EMILIN2: variants seen among roughly 807,000 people sequenced by gnomAD.
EMILIN2 encodes the protein elastin microfibril interfacer 2.
Under a neutral mutation model 87.1 loss-of-function variants are expected in EMILIN2, and 71 were observed. The ratio of observed to expected loss-of-function variants is 0.82; its 90% CI spans 0.67 to 0.99. EMILIN2 has a LOEUF of 0.99. Ranked by LOEUF, EMILIN2 falls within the 50% of genes least tolerant of loss-of-function variation. EMILIN2 has a pLI of 0.00. For missense variants in EMILIN2, 1,407 were observed against 1,371.8 expected, an observed-to-expected ratio of 1.03 and a Z score of -0.40; for synonymous variants, 581 against 563.4, an observed-to-expected ratio of 1.03 and a Z score of -0.44.
At position 2,847,959 on chromosome 18, in the gene EMILIN2, G is replaced by A; in HGVS notation, c.257+28G>A. The A allele has an allele frequency of 6.3e-7, 1 of 1,585,548 alleles. No homozygotes were observed. Among genetic ancestry groups the A allele is most frequent in the Non-Finnish European group, 8.6e-7 (1 of 1,169,544 alleles). ...AAGTCCTGGAGCCGGGGAGCGGGCGGGGCGCGCCCGGGCCGGGGCGGTGGG... is the reference window on the plus strand; with the variant it reads ...AAGTCCTGGAGCCGGGGAGCGGGCGAGGCGCGCCCGGGCCGGGGCGGTGGG... On this transcript the variant is annotated intron_variant, in intron 2 of 7. Coordinates refer to ENST00000254528, the MANE Select transcript of EMILIN2 (RefSeq NM_032048.3). This position sits in a 1 kb window ranked among gnomAD's most constrained non-coding sequence, Gnocchi z 4.5.
At chr18:2,912,699 G>C (rs978281263) in intron 7 of EMILIN2, among the ~76,000 whole-genome samples, 3 of 152,144 alleles carry the variant, frequency 2.0e-5, no homozygotes, top group Non-Finnish European at 4.4e-5. Context: ...GGGTTACAAG[G>C]TGCCATGTCT....
chr18:2,903,390 C>T (rs2076896816), intron 4 of EMILIN2, among the ~76,000 whole-genome samples: 1 of 152,180 alleles, frequency 6.6e-6, no homozygotes, highest in Admixed American at 6.5e-5. Context: ...CTAAGAAGCT[C>T]ATAATGAAAA....
At chr18:2,906,180 A>G (rs2144067434) in intron 4 of EMILIN2, 1 of 152,240 alleles carries the variant, frequency 6.6e-6, no homozygotes, top group African/African-American at 2.4e-5. Flanking sequence ...TCAAAGGAGG[A>G]AAGGGCGGCA....
At chr18:2,911,474 G>T (rs2076940551) in intron 7 of EMILIN2, among the ~76,000 whole-genome samples, 1 of 152,224 alleles carries the variant, frequency 6.6e-6, no homozygotes, top group African/African-American at 2.4e-5. Flanking sequence ...GGAAGCAGCT[G>T]ATCATCAGCT....
In EMILIN2 at chr18:2,915,238, CTG is replaced by C. The variant is rs1032787988; in HGVS notation, c.*1838_*1839del. On this transcript the variant is annotated 3_prime_UTR_variant, in exon 8 of 8. Coordinates refer to ENST00000254528, the MANE Select transcript of EMILIN2 (RefSeq NM_032048.3). ...TCACCAACAATGGTGAATCTCAGCT[CTG>C]TGTATTCAAGACAGGCAAAACAGAA... is the stretch of plus-strand genomic sequence containing the variant. The C allele has an allele frequency of 3.9e-5, 6 of 152,268 alleles. No homozygotes were observed. Among genetic ancestry groups the C allele is most frequent in the African/African-American group, 1.4e-4 (6 of 41,462 alleles). The allele number at this position is 152,268 out of a possible 1,614,324, so 9.4% of individuals were successfully genotyped here.
intron 2 of EMILIN2, among the ~76,000 whole-genome samples, chr18:2,854,313 A>C (rs1311117111): frequency 6.6e-6 from 1 of 152,000 alleles, no homozygotes; most frequent in Non-Finnish European, 1.5e-5. Context: ...GGGCCAACAC[A>C]CAGAGCCTGT....
chr18:2,856,958 G>C (rs1296606721), intron 2 of EMILIN2, among the ~76,000 whole-genome samples: 1 of 152,114 alleles, frequency 6.6e-6, no homozygotes, highest in Non-Finnish European at 1.5e-5. Flanking sequence ...TTTCCTTCCT[G>C]TTTTAAAATG....
chr18:2,867,970 G>A (rs1185456460), intron 2 of EMILIN2, among the ~76,000 whole-genome samples: 12 of 151,720 alleles, frequency 7.9e-5, no homozygotes, highest in Admixed American at 2.0e-4. Flanking sequence ...GCGGCTGGCC[G>A]GGCAGGGGGC....
At chr18:2,866,733 T>G (rs1262756354) in intron 2 of EMILIN2, among the ~76,000 whole-genome samples, 1 of 152,226 alleles carries the variant, frequency 6.6e-6, no homozygotes, top group Non-Finnish European at 1.5e-5. Context: ...AGTACTATGT[T>G]GAATAGAGAA....
chr18:2,867,958 G>A (rs2076695715), intron 2 of EMILIN2, among the ~76,000 whole-genome samples: 1 of 150,938 alleles, frequency 6.6e-6, no homozygotes, highest in Non-Finnish European at 1.5e-5. Flanking sequence ...CTCCCGGACG[G>A]GGCGGCTGGC....
At chr18:2,874,126 C>T (rs2076735982) in intron 2 of EMILIN2, among the ~76,000 whole-genome samples, 1 of 152,104 alleles carries the variant, frequency 6.6e-6, no homozygotes, top group African/African-American at 2.4e-5. Context: ...CCTTCTTACC[C>T]CCGCATGGCC....
intron 2 of EMILIN2, among the ~76,000 whole-genome samples, chr18:2,849,062 A>G (rs985898605): frequency 2.0e-5 from 3 of 152,224 alleles, no homozygotes; most frequent in Non-Finnish European, 2.9e-5. Flanking sequence ...TTCCTAATAT[A>G]CAGTGGAAAA....
intron 4 of EMILIN2, among the ~76,000 whole-genome samples, chr18:2,898,318 C>G (rs538717364): frequency 1.3e-5 from 2 of 152,330 alleles, no homozygotes; most frequent in East Asian, 3.9e-4. Context: ...GGCCTGCAGC[C>G]CAGTGGCAGC....
In EMILIN2 at chr18:2,891,361, T is replaced by C. The variant is rs144128855; in HGVS notation, c.1234T>C (p.Leu412=). The change falls in exon 4 of 8, where the codon TTG becomes CTG. Residue 412 remains leucine, a synonymous_variant. Transcript: ENST00000254528. This position sits in a 1 kb window ranked among gnomAD's most constrained non-coding sequence, Gnocchi z 4.6. ...TGACATTGGTCAACAGATCAAGACA[T>C]TGGACCAGAAAATCGAGAGAGTTGC... ...NGDIGQQIKT[L]DQKIERVAEA... is the part of the protein sequence containing the mutation. 5.6e-5 allele frequency: 91 copies of C among 1,614,038 alleles called. No individual in the cohort carries two copies. The highest frequency in any genetic ancestry group is 7.4e-5 in the Non-Finnish European group (87 of 1,180,044).
At chr18:2,858,569 A>ATATG (rs1305555851) in intron 2 of EMILIN2, among the ~76,000 whole-genome samples, 63 of 55,292 alleles carry the variant, frequency 1.1e-3, no homozygotes, top group Non-Finnish European at 1.3e-3. Context: ...ATATATATAT[A>ATATG]TGTGTGTGTG....
intron 4 of EMILIN2, among the ~76,000 whole-genome samples, chr18:2,895,079 A>G (rs1181301718): frequency 6.6e-6 from 1 of 151,980 alleles, no homozygotes; most frequent in Non-Finnish European, 1.5e-5. Flanking sequence ...CTGAGCCCCT[A>G]TTATGTGGTA....
At position 2,915,450 on chromosome 18, in the gene EMILIN2, C is replaced by A. The variant is rs992894800; in HGVS notation, c.*2046C>A. ...GAAGCAGCCCTTCAAGAAGTCATCA[C>A]CCCTGAAGTAGTGCCTGCGAGTCAG... On this transcript the variant is annotated 3_prime_UTR_variant, in exon 8 of 8. Transcript: ENST00000254528. 1 of 152,104 alleles carries A rather than the reference C, an allele frequency of 6.6e-6. No homozygotes were observed. Among genetic ancestry groups the A allele is most frequent in the Non-Finnish European group, 1.5e-5 (1 of 68,042 alleles). The allele number at this position is 152,104 out of a possible 1,614,324, so 9.4% of individuals were successfully genotyped here. A position where few individuals can be genotyped will look rare whatever the true frequency, so the allele number is the denominator to read the frequency against.
In EMILIN2 at chr18:2,913,463, T is replaced by C. The variant is rs2076952670; in HGVS notation, c.*59T>C. ...AGTTGTAAAAACTCTAAAGCTTTAA[T>C]ATATTCGGTTTGTATGTAATGGAAG... On this transcript the variant is annotated 3_prime_UTR_variant, in exon 8 of 8. Transcript: ENST00000254528. 1.5e-6 allele frequency: 2 copies of C among 1,367,022 alleles called. No individual in the cohort carries two copies. The highest frequency in any genetic ancestry group is 1.5e-5 in the African/African-American group (1 of 68,852). The allele number at this position is 1,367,022 out of a possible 1,614,324, so 84.7% of individuals were successfully genotyped here.
chr18:2,884,950 C>A lies in EMILIN2; in HGVS notation c.258-14C>A. The A allele has an allele frequency of 6.4e-7, 1 of 1,566,360 alleles. No homozygotes were observed. The highest frequency in any genetic ancestry group is 8.7e-7 in the Non-Finnish European group (1 of 1,153,904). Reference sequence around the variant, plus strand: ...GCAGCCAGTAAAGAGAGATGCCATCCCTTCTGTCCACAGGTATCGAGTGAA... The same window carrying A: ...GCAGCCAGTAAAGAGAGATGCCATCACTTCTGTCCACAGGTATCGAGTGAA... On this transcript the variant is annotated splice_polypyrimidine_tract_variant and intron_variant, in intron 2 of 7. Coordinates refer to ENST00000254528, the MANE Select transcript of EMILIN2 (RefSeq NM_032048.3).
Sources: allele counts gnomAD v4.1 joint callset (sites outside exome capture counted in the v4.1 genomes callset), GRCh38; gene constraint gnomAD v4.1.1; non-coding constraint Gnocchi (gnomAD v3.1); transcripts MANE v1.5; gene names NCBI Gene and HGNC (gene_info 2026-07-23, HGNC 2026-07-21).